DRD2: variants seen among roughly 807,000 people sequenced by gnomAD.
DRD2 encodes dopamine receptor D2, also known as D(2) dopamine receptor.
DRD2 carries 8 observed loss-of-function variants against 38.0 expected under a neutral mutation model. That is an observed-to-expected ratio of 0.21 (90% CI 0.12 to 0.38). The LOEUF (loss-of-function observed/expected upper bound fraction) is 0.38, where lower values mean the gene tolerates loss of function less well. DRD2 is among the 10% of genes least tolerant of loss of function. DRD2 has a pLI of 1.00. For synonymous variants in DRD2, 230 were observed against 238.6 expected (o/e 0.96, Z 0.33); for missense variants, 403 against 607.7 (o/e 0.66, Z 3.54).
At chr11:113,412,215 T>G (rs1565658893) in intron 7 of DRD2, 1 of 397,494 alleles carries the variant, frequency 2.5e-6, no homozygotes, top group Middle Eastern at 7.6e-4. Flanking sequence ...ATGAGGAGCC[T>G]AGAGAGAGAA....
At chr11:113,426,984 AG>A (rs1181859752) in intron 1 of DRD2, among the ~76,000 whole-genome samples, 2 of 152,224 alleles carry the variant, frequency 1.3e-5, no homozygotes, top group Non-Finnish European at 2.9e-5. Flanking sequence ...AAGCAGTGTC[AG>A]GGGCCTGAGG....
At chr11:113,437,954 C>T (rs573641848) in intron 1 of DRD2, among the ~76,000 whole-genome samples, 33 of 152,274 alleles carry the variant, frequency 2.2e-4, no homozygotes, top group African/African-American at 3.8e-4. Context: ...CGACAACAGA[C>T]TGGGGGGTGC....
chr11:113,440,550 G>C (rs1951080455), intron 1 of DRD2, among the ~76,000 whole-genome samples: 1 of 152,264 alleles, frequency 6.6e-6, no homozygotes. Context: ...CATGGGCCAT[G>C]ATGGGGATAA....
At chr11:113,427,873 T>C (rs1371422212) in intron 1 of DRD2, among the ~76,000 whole-genome samples, 2 of 152,152 alleles carry the variant, frequency 1.3e-5, no homozygotes, top group Non-Finnish European at 2.9e-5. Context: ...TATGTTAAAA[T>C]GAGACGCTTA....
chr11:113,474,555 C>G (rs970463466), intron 1 of DRD2: 1 of 152,352 alleles, frequency 6.6e-6, no homozygotes, highest in Non-Finnish European at 1.5e-5. Flanking sequence ...CAGAATCTGC[C>G]TCTCCCCCAT....
intron 1 of DRD2, among the ~76,000 whole-genome samples, chr11:113,471,109 G>C (rs1452685173): frequency 6.6e-6 from 1 of 152,154 alleles, no homozygotes; most frequent in South Asian, 2.1e-4. Context: ...GAGTCTTATA[G>C]TTTTATTACT....
At chr11:113,422,271 T>C (rs1220310974) in intron 2 of DRD2, among the ~76,000 whole-genome samples, 1 of 152,252 alleles carries the variant, frequency 6.6e-6, no homozygotes, top group Non-Finnish European at 1.5e-5. Flanking sequence ...ATCTTTATCA[T>C]CATCGCCATG....
chr11:113,423,847 A>G (rs957669575), intron 2 of DRD2, among the ~76,000 whole-genome samples: 7 of 152,314 alleles, frequency 4.6e-5, no homozygotes, highest in African/African-American at 1.4e-4. Flanking sequence ...GGGGAGCATA[A>G]AGCAGCAGAC....
chr11:113,462,933 T>C (rs1158563637), intron 1 of DRD2, among the ~76,000 whole-genome samples: 2 of 151,934 alleles, frequency 1.3e-5, no homozygotes, highest in African/African-American at 4.8e-5. Flanking sequence ...GCCCAGTTCC[T>C]AAGATATGAC....
intron 1 of DRD2, among the ~76,000 whole-genome samples, chr11:113,449,078 T>C (rs1275337998): frequency 2.6e-5 from 4 of 152,316 alleles, no homozygotes; most frequent in Admixed American, 6.5e-5. Context: ...CATTACCTGC[T>C]GGCCCCTCCT....
intron 1 of DRD2, among the ~76,000 whole-genome samples, chr11:113,465,929 G>A (rs1029632303): frequency 3.9e-5 from 6 of 152,224 alleles, no homozygotes; most frequent in Non-Finnish European, 8.8e-5. Flanking sequence ...TTTGCTGAGA[G>A]CTTACCATGC....
At chr11:113,470,469 AC>A (rs938028215) in intron 1 of DRD2, among the ~76,000 whole-genome samples, 1 of 152,122 alleles carries the variant, frequency 6.6e-6, no homozygotes, top group Non-Finnish European at 1.5e-5. Context: ...GACTTCCCTT[AC>A]CGCCCTCTGT....
chr11:113,412,639 C>T lies in DRD2; in HGVS notation c.1055G>A (p.Arg352Gln), dbSNP rs762936799. The part of the protein sequence containing the change: ...EIQTMPNGKT[R>Q]TSLKTMSRRK... ...ACGGCTCATGGTCTTGAGGGAGGTC[C>T]GGGTTTTGCCATTGGGCATGGTCTG... is the stretch of plus-strand genomic sequence containing the variant. The change falls in exon 7 of 8, where the codon CGG (arginine) becomes CAG (glutamine). Residue 352 changes from arginine to glutamine, a missense_variant. Transcript: ENST00000362072. 31 of 1,614,016 alleles carry T rather than the reference C, an allele frequency of 1.9e-5. No individual in the cohort carries two copies. Among genetic ancestry groups the T allele is most frequent in the Middle Eastern group, 1.6e-4 (1 of 6,084 alleles).
At chr11:113,447,777 T>G (rs1373780025) in intron 1 of DRD2, 1 of 152,258 alleles carries the variant, frequency 6.6e-6, no homozygotes, top group Non-Finnish European at 1.5e-5. Flanking sequence ...GCAAGTGGCT[T>G]CCCTCTTCTG....
chr11:113,410,751 G>A lies in DRD2; in HGVS notation c.1308C>T (p.Ala436=). The part of the protein sequence containing the change: ...YTTFNIEFRK[A]FLKILHC Reference sequence around the variant, plus strand: ...GTCAGCAGTGGAGGATCTTCAGGAAGGCCTTGCGGAACTCAATGTTGAAGG... The same window carrying A: ...GTCAGCAGTGGAGGATCTTCAGGAAAGCCTTGCGGAACTCAATGTTGAAGG... Residue 436 remains alanine (A), a synonymous_variant, in exon 8 of 8, where the codon GCC becomes GCT. Coordinates refer to ENST00000362072, the MANE Select transcript of DRD2 (RefSeq NM_000795.4). The A allele has an allele frequency of 6.2e-7, 1 of 1,614,238 alleles. No homozygotes were observed. The highest frequency in any genetic ancestry group is 8.5e-7 in the Non-Finnish European group (1 of 1,180,032).
chr11:113,438,885 G>C (rs1298093463), intron 1 of DRD2, among the ~76,000 whole-genome samples: 2 of 152,196 alleles, frequency 1.3e-5, no homozygotes, highest in Non-Finnish European at 2.9e-5. Flanking sequence ...TTGTCTCACT[G>C]TGTGGATGTC....
intron 1 of DRD2, among the ~76,000 whole-genome samples, chr11:113,452,004 C>T (rs753652319): frequency 3.3e-5 from 5 of 152,154 alleles, no homozygotes; most frequent in Non-Finnish European, 7.4e-5. Flanking sequence ...TCCTCTGGCC[C>T]CCTCCAGCCC....
intron 2 of DRD2, among the ~76,000 whole-genome samples, chr11:113,418,580 C>A (rs567380520): frequency 6.6e-6 from 1 of 152,226 alleles, no homozygotes; most frequent in East Asian, 1.9e-4. Context: ...ACTTACTGTC[C>A]CAGAGCTAGT....
intron 6 of DRD2, 25 bp downstream of exon 6, chr11:113,414,350 C>T: frequency 6.2e-7 from 1 of 1,609,284 alleles, no homozygotes; most frequent in African/African-American, 1.3e-5. Flanking sequence ...AGACCTGGCT[C>T]TGGGTCCCTG....
Sources: allele counts gnomAD v4.1 joint callset (sites outside exome capture counted in the v4.1 genomes callset), GRCh38; gene constraint gnomAD v4.1.1; transcripts MANE v1.5; gene names NCBI Gene and HGNC (gene_info 2026-07-23, HGNC 2026-07-21).